HS3ST5: variants seen among roughly 807,000 people sequenced by gnomAD.
The protein encoded by HS3ST5 is heparan sulfate glucosamine 3-O-sulfotransferase 5.
In HS3ST5, 10 loss-of-function variants were observed where a neutral mutation model predicts 25.4. That is an observed-to-expected ratio of 0.39 (90% confidence interval 0.24 to 0.67). HS3ST5 has a LOEUF of 0.67. HS3ST5 is among the 30% of genes least tolerant of loss of function. The pLI is 0.44. For synonymous variants in HS3ST5, 170 were observed against 162.4 expected, an observed-to-expected ratio of 1.05 and a Z score of -0.36; for missense variants, 324 against 420.7, an observed-to-expected ratio of 0.77 and a Z score of 2.01.
At chr6:114,129,345 T>G (rs932914827) in intron 3 of HS3ST5, among the ~76,000 whole-genome samples, 1 of 140,482 alleles carries the variant, frequency 7.1e-6, no homozygotes, top group East Asian at 2.3e-4. Flanking sequence ...AAGCTCCGCC[T>G]CCTGGGTTCA....
At chr6:114,239,542 T>A (rs560573677) in intron 1 of HS3ST5, among the ~76,000 whole-genome samples, 1 of 152,220 alleles carries the variant, frequency 6.6e-6, no homozygotes, top group Non-Finnish European at 1.5e-5. Context: ...TTTGCACTTT[T>A]CTGTTCAGCC....
intron 3 of HS3ST5, chr6:114,131,159 T>C (rs1777312540): frequency 6.6e-6 from 1 of 152,184 alleles, no homozygotes; most frequent in South Asian, 2.1e-4. Context: ...GCATGAGTAA[T>C]TTTTGGAAAT....
At chr6:114,086,741 T>C (rs1402676351) in intron 3 of HS3ST5, among the ~76,000 whole-genome samples, 1 of 152,196 alleles carries the variant, frequency 6.6e-6, no homozygotes, top group Non-Finnish European at 1.5e-5. Context: ...AAACTAGTGA[T>C]TTTTTCTTGA....
intron 2 of HS3ST5, among the ~76,000 whole-genome samples, chr6:114,211,061 TAGGCA>T (rs1268596672): frequency 2.0e-5 from 3 of 152,218 alleles, no homozygotes. Flanking sequence ...TGTACTATTT[TAGGCA>T]TGGCTGCAGA....
intron 1 of HS3ST5, among the ~76,000 whole-genome samples, chr6:114,285,979 A>T (rs1478119830): frequency 5.9e-5 from 9 of 151,804 alleles, no homozygotes; most frequent in African/African-American, 1.5e-4. Context: ...CCCATTTATT[A>T]AAAAAAATCG....
intron 2 of HS3ST5, among the ~76,000 whole-genome samples, chr6:114,203,668 A>G (rs1480383745): frequency 6.6e-6 from 1 of 152,084 alleles, no homozygotes; most frequent in Non-Finnish European, 1.5e-5. Flanking sequence ...CTCCCCTGAA[A>G]CTGACTCAGC....
intron 3 of HS3ST5, among the ~76,000 whole-genome samples, chr6:114,140,398 T>C (rs998183899): frequency 6.6e-6 from 1 of 152,222 alleles, no homozygotes; most frequent in Non-Finnish European, 1.5e-5. Context: ...AAACGGTGTA[T>C]TAAATAATTG....
intron 3 of HS3ST5, among the ~76,000 whole-genome samples, chr6:114,121,766 A>G (rs555489652): frequency 6.6e-6 from 1 of 152,316 alleles, no homozygotes; most frequent in Admixed American, 6.5e-5. Flanking sequence ...TTATCACATC[A>G]TTCCTTAGCA....
intron 3 of HS3ST5, among the ~76,000 whole-genome samples, chr6:114,146,053 T>C (rs554950441): frequency 1.3e-5 from 2 of 152,192 alleles, no homozygotes; most frequent in East Asian, 1.9e-4. Context: ...TAGAAAAAAA[T>C]AGTCTGATTT....
intron 1 of HS3ST5, among the ~76,000 whole-genome samples, chr6:114,276,768 AAT>A (rs1303566004): frequency 6.6e-6 from 1 of 151,982 alleles, no homozygotes; most frequent in African/African-American, 2.4e-5. Context: ...ATTGGGGTCT[AAT>A]TGGCACAAAA....
In HS3ST5 at chr6:114,184,981, C is replaced by T. The variant is rs557563052; in HGVS notation, c.-144-16519G>A. Reference sequence around the variant, plus strand: ...GAAGCACATAACATATTTGGTTTTACGGGTTCATAGCTGGAGAAGAATTTT... The same window carrying T: ...GAAGCACATAACATATTTGGTTTTATGGGTTCATAGCTGGAGAAGAATTTT... On this transcript the variant is annotated intron_variant, in intron 2 of 4. Transcript: ENST00000312719. Among the ~76,000 whole-genome samples, 9 of 152,220 alleles carry T rather than the reference C, an allele frequency of 5.9e-5. No individual in the cohort carries two copies. In the South Asian group the frequency reaches 1.0e-3, roughly 18 times the overall value.
intron 3 of HS3ST5, among the ~76,000 whole-genome samples, chr6:114,149,813 T>C (rs1035214992): frequency 2.6e-5 from 4 of 152,204 alleles, no homozygotes; most frequent in African/African-American, 4.8e-5. Flanking sequence ...TGATATTACA[T>C]GGAAAAAAGT....
At chr6:114,174,378 C>G (rs187484439) in intron 2 of HS3ST5, among the ~76,000 whole-genome samples, 2 of 151,990 alleles carry the variant, frequency 1.3e-5, no homozygotes, top group Non-Finnish European at 2.9e-5. Flanking sequence ...AGAGTGTAAG[C>G]AGCATAAGGG....
chr6:114,110,879 TAAAC>T (rs1221490747), intron 3 of HS3ST5, among the ~76,000 whole-genome samples: 11 of 152,214 alleles, frequency 7.2e-5, no homozygotes, highest in Non-Finnish European at 1.5e-4. Context: ...TTCTAACAAT[TAAAC>T]AACCAAATTT....
intron 2 of HS3ST5, among the ~76,000 whole-genome samples, chr6:114,174,053 G>A (rs1052717180): frequency 2.0e-5 from 3 of 151,708 alleles, no homozygotes; most frequent in East Asian, 1.9e-4. Flanking sequence ...GTGACCTTGC[G>A]TGACTGGGGT....
At chr6:114,120,160 A>G (rs1716856836) in intron 3 of HS3ST5, among the ~76,000 whole-genome samples, 1 of 152,142 alleles carries the variant, frequency 6.6e-6, no homozygotes, top group African/African-American at 2.4e-5. Context: ...AAACAAAACA[A>G]AACAAAACAA....
rs537799781 is a variant in HS3ST5, at chr6:114,264,537, G to A, written c.-338-35759C>T. Among the ~76,000 whole-genome samples, 6 of 152,028 alleles carry A rather than the reference G, an allele frequency of 3.9e-5. No individual in the cohort carries two copies. In the South Asian group the frequency reaches 1.2e-3, roughly 32 times the overall value. ...TTTTGATTATGAGTGAGGTTGAATA[G>A]ATGTTCATGTGCTTATTGGACATTT... On this transcript the variant is annotated intron_variant, in intron 1 of 4. Transcript: ENST00000312719.
intron 3 of HS3ST5, among the ~76,000 whole-genome samples, chr6:114,103,165 G>A (rs1167795652): frequency 6.6e-6 from 1 of 152,014 alleles, no homozygotes; most frequent in Non-Finnish European, 1.5e-5. Context: ...TGTTTATTGA[G>A]GCATGATATA....
chr6:114,072,644 A>G (rs751808927), intron 3 of HS3ST5, among the ~76,000 whole-genome samples: 1 of 152,118 alleles, frequency 6.6e-6, no homozygotes, highest in Admixed American at 6.6e-5. Context: ...TATTCAGTCA[A>G]TTCATGGTGG....
Sources: gnomAD v4.1 joint callset for allele counts (sites outside exome capture counted in the v4.1 genomes callset) on GRCh38, gnomAD v4.1.1 for gene constraint, MANE v1.5 for transcripts, NCBI Gene and HGNC (gene_info 2026-07-23, HGNC 2026-07-21) for gene names.